The following MRTFB variants were observed in gnomAD, a reference collection of about 807,000 sequenced individuals.
MRTFB encodes myocardin related transcription factor B, also known as myocardin-related transcription factor B.
MRTFB carries 29 observed loss-of-function variants against 104.2 expected under a neutral mutation model. The observed-to-expected ratio is 0.28, with a 90% CI of 0.21 to 0.38. The LOEUF (loss-of-function observed/expected upper bound fraction) is 0.38. Among genes scored for constraint, MRTFB ranks in the 10% least tolerant of loss-of-function variants. MRTFB has a pLI of 1.00. For missense variants in MRTFB, 1,270 were observed against 1,341.6 expected, an observed-to-expected ratio of 0.95 and a Z score of 0.83; for synonymous variants, 535 against 519.5, an observed-to-expected ratio of 1.03 and a Z score of -0.41.
intron 8 of MRTFB, among the ~76,000 whole-genome samples, chr16:14,220,268 A>ATG (rs1402641915): frequency 6.6e-6 from 1 of 152,336 alleles, no homozygotes. Flanking sequence ...AAGAATGTCA[A>ATG]GTATGCAAGT....
chr16:14,156,619 A>T (rs1253643594), intron 3 of MRTFB, among the ~76,000 whole-genome samples: 1 of 152,186 alleles, frequency 6.6e-6, no homozygotes, highest in Non-Finnish European at 1.5e-5. Context: ...TCAAGAAGTC[A>T]TCTCTTTTTT....
chr16:14,029,730 C>A, the MRTFB span, among the ~76,000 whole-genome samples: 6 of 152,008 alleles, frequency 3.9e-5, no homozygotes, highest in South Asian at 2.1e-4. Flanking sequence ...TCCTCCACCC[C>A]CCGTGTCTGT....
rs572841567 is a variant in MRTFB, at chr16:14,158,225, A to C, written c.154+17465A>C. ...CATATTTTTATAGATCCACCTACAAACAAGGCACTGTGTTAGATTTTTCCA... is the reference window on the plus strand; with the variant it reads ...CATATTTTTATAGATCCACCTACAACCAAGGCACTGTGTTAGATTTTTCCA... On this transcript the variant is annotated intron_variant, in intron 3 of 16. Coordinates refer to ENST00000571589, the MANE Select transcript of MRTFB (RefSeq NM_001308142.2). Among the ~76,000 whole-genome samples, 41 of 152,314 alleles carry C rather than the reference A, an allele frequency of 2.7e-4. 3 individuals are homozygous for C. The East Asian group carries it at 3.3e-3, about 12-fold the overall frequency.
chr16:14,188,821 G>A (rs914662302), intron 3 of MRTFB, among the ~76,000 whole-genome samples: 2 of 151,846 alleles, frequency 1.3e-5, no homozygotes, highest in Non-Finnish European at 2.9e-5. Flanking sequence ...TGCTTTTTTC[G>A]TATTTCTTTT....
Position 14,123,812 on chromosome 16 carries a change from A to G in MRTFB, c.-63-16732A>G, listed in dbSNP as rs988599541. 5.3e-5 allele frequency among the ~76,000 whole-genome samples: 8 copies of G among 152,114 alleles called. No homozygotes were observed. In the South Asian group the frequency reaches 6.2e-4, roughly 12 times the overall value. ...TTTTCCAATTCTGTGAAGAAAGTCA[A>G]TGGTATCTTGATGGGGATAGCATTG... On this transcript the variant is annotated intron_variant, in intron 2 of 16. Coordinates refer to ENST00000571589, the MANE Select transcript of MRTFB (RefSeq NM_001308142.2).
the MRTFB span, among the ~76,000 whole-genome samples, chr16:14,012,391 C>A: frequency 6.7e-6 from 1 of 150,278 alleles, no homozygotes; most frequent in Non-Finnish European, 1.5e-5. Flanking sequence ...CTCTGCCTCC[C>A]GGGTTCAAGC....
Position 14,255,810 on chromosome 16 carries a change from T to A in MRTFB, c.2704-2291T>A, listed in dbSNP as rs537897467. 1.1e-3 allele frequency among the ~76,000 whole-genome samples: 158 copies of A among 148,234 alleles called. 1 individual carries two copies. The highest frequency in any genetic ancestry group is 7.2e-3 in the Middle Eastern group (2 of 276). On this transcript the variant is annotated intron_variant, in intron 15 of 16. Transcript: ENST00000571589. ...AATTTAAAAGATTCAAGATAGCTTT[T>A]AAAAAAAAAAATCAATAGAAAGGCC...
intron 16 of MRTFB, among the ~76,000 whole-genome samples, chr16:14,260,376 A>C (rs2043719147): frequency 6.6e-6 from 1 of 152,108 alleles, no homozygotes; most frequent in African/African-American, 2.4e-5. Flanking sequence ...AAAGGAAAAA[A>C]GAATGTAATT....
chr16:14,013,088 A>G, the MRTFB span: 2 of 152,314 alleles, frequency 1.3e-5, no homozygotes, highest in African/African-American at 4.8e-5. Context: ...TTAGGAGGCC[A>G]GTATTGAACT....
intron 10 of MRTFB, 120 bp from the exon 11 acceptor site, chr16:14,245,408 G>T: frequency 1.3e-6 from 1 of 796,778 alleles, no homozygotes; most frequent in Non-Finnish European, 1.9e-6. Context: ...ACAATATTCA[G>T]CCTTCCAATC....
Position 14,261,333 on chromosome 16 carries a change from C to T in MRTFB, c.3189C>T (p.Asp1063=). Residue 1063 remains aspartate, a synonymous_variant, in exon 17 of 17, where the codon GAC becomes GAT. Coordinates refer to ENST00000571589, the MANE Select transcript of MRTFB (RefSeq NM_001308142.2). ...DSNLDNMEWL[D]ITMPNSSSGL... The stretch of plus-strand genomic sequence containing the variant: ...ACTTGGACAACATGGAGTGGTTGGA[C>T]ATTACCATGCCCAACTCCTCTTCAG... 6.2e-7 allele frequency: 1 copy of T among 1,614,120 alleles called. No homozygotes were observed. The highest frequency in any genetic ancestry group is 8.5e-7 in the Non-Finnish European group (1 of 1,180,026).
chr16:14,115,075 A>G (rs979884008), intron 2 of MRTFB, among the ~76,000 whole-genome samples: 1 of 152,200 alleles, frequency 6.6e-6, no homozygotes, highest in Non-Finnish European at 1.5e-5. Flanking sequence ...ACAAGTATAG[A>G]AAGGTTTGGG....
At chr16:14,250,606 A>G (rs2043212776) in intron 13 of MRTFB, among the ~76,000 whole-genome samples, 2 of 152,210 alleles carry the variant, frequency 1.3e-5, no homozygotes, top group Admixed American at 6.5e-5. Flanking sequence ...GGTTTTAGGT[A>G]GGATGGAAAG....
At chr16:14,040,263 C>A in the MRTFB span, among the ~76,000 whole-genome samples, 1 of 152,074 alleles carries the variant, frequency 6.6e-6, no homozygotes, top group African/African-American at 2.4e-5. Context: ...AGATTATTTC[C>A]AATTTTTAGC....
chr16:14,106,719 A>G (rs2035998466), intron 2 of MRTFB, among the ~76,000 whole-genome samples: 1 of 152,212 alleles, frequency 6.6e-6, no homozygotes, highest in Admixed American at 6.6e-5. Flanking sequence ...ATGTTTTTAA[A>G]ACATTTCCCA....
At chr16:14,173,526 GT>G (rs2039488214) in intron 3 of MRTFB, among the ~76,000 whole-genome samples, 1 of 152,116 alleles carries the variant, frequency 6.6e-6, no homozygotes, top group South Asian at 2.1e-4. Context: ...ATTGAATTCT[GT>G]ATGTGTTTGA....
the MRTFB span, among the ~76,000 whole-genome samples, chr16:14,057,162 C>T: frequency 7.2e-5 from 11 of 152,042 alleles, no homozygotes; most frequent in Non-Finnish European, 1.5e-4. Context: ...GCAAGAGGGT[C>T]GGCCTGGGCT....
intron 2 of MRTFB, among the ~76,000 whole-genome samples, chr16:14,136,943 T>C (rs1208085011): frequency 6.6e-6 from 1 of 152,222 alleles, no homozygotes; most frequent in Non-Finnish European, 1.5e-5. Flanking sequence ...ATTTGTAAGA[T>C]AGTAACTTTC....
the MRTFB span, among the ~76,000 whole-genome samples, chr16:13,996,796 G>A: frequency 1.3e-5 from 2 of 152,342 alleles, no homozygotes; most frequent in South Asian, 4.1e-4. Flanking sequence ...CCCCAGTGGT[G>A]TGTTTTCTGT....
Sources: allele counts gnomAD v4.1 joint callset (sites outside exome capture counted in the v4.1 genomes callset), GRCh38; gene constraint gnomAD v4.1.1; transcripts MANE v1.5; gene names NCBI Gene and HGNC (gene_info 2026-07-23, HGNC 2026-07-21).